Variants in NREP observed in about 807,000 individuals in gnomAD.
NREP encodes the protein neuronal regeneration-related protein.
Under a neutral mutation model 8.6 loss-of-function variants are expected in NREP, and 5 were observed. The ratio of observed to expected loss-of-function variants is 0.58; its 90% CI spans 0.30 to 1.22. The LOEUF (loss-of-function observed/expected upper bound fraction) is 1.22. Among genes scored for constraint, NREP ranks in the 50% most tolerant of loss-of-function variants. The pLI is 0.07. For missense variants in NREP, 86 were observed against 82.5 expected (o/e 1.04, Z -0.17); for synonymous variants, 27 against 28.0 (o/e 0.96, Z 0.11).
chr5:111,927,743 T>A (rs1755428823), intron 2 of NREP, among the ~76,000 whole-genome samples: 1 of 152,204 alleles, frequency 6.6e-6, no homozygotes, highest in Non-Finnish European at 1.5e-5. Flanking sequence ...TGCCCACTTT[T>A]TTCCCTTTCC....
intron 2 of NREP, among the ~76,000 whole-genome samples, chr5:111,890,738 G>A (rs892789071): frequency 6.6e-6 from 1 of 152,212 alleles, no homozygotes; most frequent in Non-Finnish European, 1.5e-5. Context: ...AGCCAAGGCT[G>A]GAGACGGACT....
At chr5:111,921,933 G>T (rs1043973181) in intron 2 of NREP, among the ~76,000 whole-genome samples, 1 of 152,086 alleles carries the variant, frequency 6.6e-6, no homozygotes, top group Non-Finnish European at 1.5e-5. Context: ...CTGCCATGAG[G>T]TAAGAAGTAC....
chr5:111,750,673 C>T (rs142258328), intron 2 of NREP, among the ~76,000 whole-genome samples: 1 of 152,318 alleles, frequency 6.6e-6, no homozygotes, highest in East Asian at 1.9e-4. Context: ...GTTTGCTGCA[C>T]ATCACAGAAT....
chr5:111,974,460 G>A (rs1756907070), intron 2 of NREP: 1 of 152,180 alleles, frequency 6.6e-6, no homozygotes, highest in African/African-American at 2.4e-5. Context: ...AGACGACTGG[G>A]CCAGGAGCAT....
At chr5:111,880,960 GC>G (rs1402677082) in intron 2 of NREP, among the ~76,000 whole-genome samples, 1 of 152,182 alleles carries the variant, frequency 6.6e-6, no homozygotes, top group Non-Finnish European at 1.5e-5. Flanking sequence ...ACTAGGGAGT[GC>G]CAGACAGTGG....
At chr5:111,773,966 G>A (rs1011835536) in intron 2 of NREP, among the ~76,000 whole-genome samples, 2 of 152,078 alleles carry the variant, frequency 1.3e-5, no homozygotes, top group Admixed American at 1.3e-4. Flanking sequence ...TACCCGTGGG[G>A]GAGGTGACAC....
chr5:111,755,503 G>A (rs1301016836), intron 2 of NREP: 4 of 465,538 alleles, frequency 8.6e-6, no homozygotes, highest in Non-Finnish European at 1.6e-5. Context: ...AGTTTCTGTT[G>A]TTCAAATTAA....
At chr5:111,968,267 C>T (rs1474505944) in intron 2 of NREP, among the ~76,000 whole-genome samples, 1 of 151,794 alleles carries the variant, frequency 6.6e-6, no homozygotes, top group Non-Finnish European at 1.5e-5. Flanking sequence ...ACATATTAAA[C>T]CCTACTGGTA....
intron 2 of NREP, among the ~76,000 whole-genome samples, chr5:111,779,469 T>A (rs1751441546): frequency 1.3e-5 from 2 of 152,166 alleles, no homozygotes; most frequent in Admixed American, 1.3e-4. Context: ...CTAATTGGAT[T>A]AGTTACCATG....
intron 2 of NREP, among the ~76,000 whole-genome samples, chr5:111,960,468 A>T (rs1561369632): frequency 6.6e-6 from 1 of 152,212 alleles, no homozygotes; most frequent in Non-Finnish European, 1.5e-5. Flanking sequence ...ATTGTTAACA[A>T]GGGCATGCCA....
chr5:111,877,988 T>C (rs920144050), intron 2 of NREP, among the ~76,000 whole-genome samples: 12 of 152,196 alleles, frequency 7.9e-5, no homozygotes, highest in Non-Finnish European at 1.3e-4. Flanking sequence ...TTCATTGATA[T>C]TGAAGCAAGG....
At chr5:111,757,695 G>C, upstream of NREP, 1 of 984,268 alleles carries the variant, frequency 1.0e-6, no homozygotes, top group African/African-American at 1.7e-5. Context: ...GCCCCGGGGA[G>C]ACAAAGCGGA....
Position 111,735,613 on chromosome 5 carries a change from C to T in NREP, c.4-106G>A, listed in dbSNP as rs571458184. The T allele has an allele frequency of 1.2e-5, 9 of 750,494 alleles. No homozygotes were observed. In the East Asian group the frequency reaches 2.0e-4, roughly 17 times the overall value. The allele number at this position is 750,494 out of a possible 1,614,324, so 46.5% of individuals were successfully genotyped here. On this transcript the variant is annotated intron_variant, in intron 2 of 3. Transcript: ENST00000257435. ...CAATTCTCCTCAATGGTTACTTATT[C>T]CCGACTACCACTTAGAGCACTGGGG...
chr5:111,794,541 G>C (rs1561669097), intron 2 of NREP, among the ~76,000 whole-genome samples: 1 of 152,132 alleles, frequency 6.6e-6, no homozygotes, highest in Non-Finnish European at 1.5e-5. Flanking sequence ...AAGGAAACTT[G>C]CATGCATATT....
At chr5:111,799,282 T>A (rs879618728) in intron 2 of NREP, among the ~76,000 whole-genome samples, 16 of 152,052 alleles carry the variant, frequency 1.1e-4, no homozygotes, top group Middle Eastern at 3.2e-3. Context: ...AATTTTAGGA[T>A]TTTTTTTCTA....
intron 2 of NREP, among the ~76,000 whole-genome samples, chr5:111,854,262 G>C (rs950705772): frequency 4.6e-5 from 7 of 152,150 alleles, no homozygotes; most frequent in Non-Finnish European, 8.8e-5. Flanking sequence ...TTTAATTTGA[G>C]GGGCTCAGCA....
rs180870056 is a variant in NREP, at chr5:111,736,214, G to A, written c.4-707C>T. 7.7e-4 allele frequency among the ~76,000 whole-genome samples: 117 copies of A among 152,276 alleles called. 1 individual carries two copies. The highest frequency in any genetic ancestry group is 2.6e-3 in the African/African-American group (107 of 41,542). On this transcript the variant is annotated intron_variant, in intron 2 of 3. Coordinates refer to ENST00000257435, the MANE Select transcript of NREP (RefSeq NM_004772.4). Reference sequence around the variant, plus strand: ...TCAAGTAATGACAGGAGAGGGGAAAGGCCTTAAAATTACAACTAAGATTTG... The same window carrying A: ...TCAAGTAATGACAGGAGAGGGGAAAAGCCTTAAAATTACAACTAAGATTTG...
intron 2 of NREP, among the ~76,000 whole-genome samples, chr5:111,837,955 C>T (rs1485808168): frequency 6.6e-6 from 1 of 151,962 alleles, no homozygotes; most frequent in Non-Finnish European, 1.5e-5. Context: ...ACACCATCTA[C>T]AATGCAATTT....
intron 2 of NREP, among the ~76,000 whole-genome samples, chr5:111,778,017 T>C (rs1347829129): frequency 6.6e-6 from 1 of 152,262 alleles, no homozygotes; most frequent in East Asian, 1.9e-4. Context: ...CTTCTCTGTT[T>C]TGCCTGTACG....
Sources: allele counts gnomAD v4.1 joint callset (sites outside exome capture counted in the v4.1 genomes callset), GRCh38; gene constraint gnomAD v4.1.1; transcripts MANE v1.5; gene names NCBI Gene and HGNC (gene_info 2026-07-23, HGNC 2026-07-21).